The following CLSPN variants were observed in gnomAD, a reference collection of about 807,000 sequenced individuals.
CLSPN encodes claspin homolog.
In CLSPN, 85 loss-of-function variants were observed where a neutral mutation model predicts 156.3. That is an observed-to-expected ratio of 0.54 (90% CI 0.46 to 0.65). The LOEUF is 0.65. CLSPN is among the 30% of genes least tolerant of loss of function. The pLI, the probability that CLSPN is intolerant of heterozygous loss-of-function variation, is 0.00. For missense variants in CLSPN, 1,407 were observed against 1,554.9 expected, an observed-to-expected ratio of 0.90 and a Z score of 1.60; for synonymous variants, 534 against 542.4, an observed-to-expected ratio of 0.98 and a Z score of 0.22.
intron 9 of CLSPN, 123 bp from the exon 10 acceptor site, chr1:35,751,629 C>A: frequency 7.7e-7 from 1 of 1,297,156 alleles, no homozygotes; most frequent in Non-Finnish European, 1.0e-6. Context: ...GTATTCTGGG[C>A]TTTTTTGTTA....
At position 35,748,388 on chromosome 1, in the gene CLSPN, A is replaced by C; in HGVS notation, c.2472+17T>G. 1 of 1,610,768 alleles carries C rather than the reference A, an allele frequency of 6.2e-7. No individual in the cohort carries two copies. Among genetic ancestry groups the C allele is most frequent in the Non-Finnish European group, 8.5e-7 (1 of 1,177,106 alleles). ...AGCAAAGAGAGGAGGAGATTAGAAA[A>C]ACCATTACCATCTTACCTTAGAAGC... On this transcript the variant is annotated intron_variant, in intron 13 of 24. Coordinates refer to ENST00000318121, the MANE Select transcript of CLSPN (RefSeq NM_022111.4).
intron 23 of CLSPN, 108 bp from the exon 24 acceptor site, chr1:35,737,183 C>T (rs957982860): frequency 9.5e-6 from 12 of 1,267,032 alleles, no homozygotes; most frequent in Admixed American, 4.0e-5. Context: ...TATGCCTACC[C>T]TATTCAAATA....
At chr1:35,759,136 C>T (rs1642389622) in intron 8 of CLSPN, among the ~76,000 whole-genome samples, 1 of 152,160 alleles carries the variant, frequency 6.6e-6, no homozygotes, top group Non-Finnish European at 1.5e-5. Context: ...TGTGGTAATA[C>T]TTGAGTTCAG....
chr1:35,760,922 GA>G lies in CLSPN; in HGVS notation c.1005-7del, dbSNP rs1571219125. On this transcript the variant is annotated splice_region_variant and splice_polypyrimidine_tract_variant and intron_variant, in intron 7 of 24. Coordinates refer to ENST00000318121, the MANE Select transcript of CLSPN (RefSeq NM_022111.4). ...TTGACTGATATTTAGATGACCTAGA[GA>G]AGAGAAATTGAGCTGGAGTTGAAAA... 1 of 1,594,336 alleles carries G rather than the reference GA, an allele frequency of 6.3e-7. No individual in the cohort carries two copies. The highest frequency in any genetic ancestry group is 2.2e-5 in the East Asian group (1 of 44,702).
downstream of CLSPN, among the ~76,000 whole-genome samples, chr1:35,730,209 G>T (rs4653147): frequency 0.66 from 99,705 of 152,068 alleles, 37,889 homozygotes; most frequent in Non-Finnish European, 0.87. Context: ...AAGCCTCAAC[G>T]AACATTAAAG....
In CLSPN at chr1:35,736,933, T is replaced by G. The variant is rs1173814760; in HGVS notation, c.3890A>C (p.Lys1297Thr). The G allele has an allele frequency of 1.9e-6, 3 of 1,614,142 alleles. No homozygotes were observed. The change falls in exon 24 of 25, where the codon AAG (lysine) becomes ACG (threonine). Residue 1297 changes from lysine (K) to threonine (T), a missense_variant. Around this residue, in one of 3 missense-constraint regions of CLSPN, gnomAD observed 241 missense variants for 240.5 expected, o/e 1.00. Transcript: ENST00000318121. The part of the protein sequence containing the change: ...TLSPVKAEAA[K>T]ESSKSQVKKR... ...CCATACCTGAGACTTAGACGATTCCTTTGCCGCCTCAGCCTTGACAGGAGA... is the reference window on the plus strand; with the variant it reads ...CCATACCTGAGACTTAGACGATTCCGTTGCCGCCTCAGCCTTGACAGGAGA...
chr1:35,752,919 G>GT (rs1199048927), intron 9 of CLSPN, among the ~76,000 whole-genome samples: 1 of 152,168 alleles, frequency 6.6e-6, no homozygotes, highest in Non-Finnish European at 1.5e-5. Flanking sequence ...ATTGTTAATA[G>GT]TTATCTTTGG....
intron 24 of CLSPN, among the ~76,000 whole-genome samples, chr1:35,723,700 G>T (rs1641120816): frequency 6.6e-6 from 1 of 152,172 alleles, no homozygotes. Flanking sequence ...TTTAGAAAGG[G>T]AAACAGAAGT....
At chr1:35,721,283 C>T (rs866138937) in intron 24 of CLSPN, among the ~76,000 whole-genome samples, 6 of 152,182 alleles carry the variant, frequency 3.9e-5, no homozygotes, top group South Asian at 4.1e-4. Flanking sequence ...CTGAGACCAC[C>T]CCCTTCTCCT....
At chr1:35,748,820 C>CTTTTT (rs201350754) in intron 12 of CLSPN, 148 of 293,460 alleles carry the variant, frequency 5.0e-4, no homozygotes, top group Middle Eastern at 1.3e-3. Context: ...CTTGAAAGTT[C>CTTTTT]TTTTTTTTTT....
chr1:35,748,185 G>T, intron 13 of CLSPN, 124 bp from the exon 14 acceptor site: 1 of 1,114,036 alleles, frequency 9.0e-7, no homozygotes, highest in South Asian at 1.5e-5. Context: ...AGTTGAGGGG[G>T]ACAATACACA....
chr1:35,733,548 A>G lies in CLSPN; in HGVS notation c.*2948T>C, dbSNP rs146005131. ...GAAGAAATATCTAGCCTTCCTGCTC[A>G]GTTCTCTTTTGCCCAGCAAGGGCTA... On this transcript the variant is annotated 3_prime_UTR_variant, in exon 25 of 25. Coordinates refer to ENST00000318121, the MANE Select transcript of CLSPN (RefSeq NM_022111.4). The G allele has an allele frequency of 1.0e-4, 102 of 985,412 alleles. No homozygotes were observed. The African/African-American group carries it at 1.7e-3, about 16-fold the overall frequency. 61.0% of individuals were successfully genotyped at this position (985,412 alleles called of 1,614,324 possible).
At chr1:35,737,949 A>G in intron 22 of CLSPN, 43 bp downstream of exon 22, 1 of 1,142,080 alleles carries the variant, frequency 8.8e-7, no homozygotes, top group South Asian at 2.0e-5. Flanking sequence ...CTCTACCACT[A>G]ACAATCCAGG....
Position 35,748,589 on chromosome 1 carries a change from C to T in CLSPN, c.2288G>A (p.Cys763Tyr). ...QPSKLDEDDS[C>Y]SLLTKESSHN... Reference sequence around the variant, plus strand: ...GCTGCTCTCCTTTGTTAGCAATGAACATGAATCATCCTCATCTAAAGAAAG... The same window carrying T: ...GCTGCTCTCCTTTGTTAGCAATGAATATGAATCATCCTCATCTAAAGAAAG... The change falls in exon 13 of 25, where the codon TGT (cysteine) becomes TAT (tyrosine). Residue 763 changes from cysteine (C) to tyrosine (Y), a missense_variant. Physicochemically the swap from Cys to Tyr is radical, Grantham distance 194 (BLOSUM62 -2). Around this residue, in one of 3 missense-constraint regions of CLSPN, gnomAD observed 1,096 missense variants for 1,193.0 expected, o/e 0.92. Transcript: ENST00000318121. 6.2e-7 allele frequency: 1 copy of T among 1,613,862 alleles called. No individual in the cohort carries two copies. The highest frequency in any genetic ancestry group is 8.5e-7 in the Non-Finnish European group (1 of 1,179,792).
At position 35,762,466 on chromosome 1, in the gene CLSPN, A is replaced by G. The variant is rs769536517; in HGVS notation, c.760T>C (p.Leu254=). The part of the protein sequence containing the change: ...VKKHKKKEPS[L]ESGVHSFEEG... ...TCAAATGAATGGACCCCACTCTCCA[A>G]AGATGGTTCTTTTTTCTAAAAGAAA... Residue 254 remains leucine, a synonymous_variant, in exon 5 of 25, where the codon TTG becomes CTG. Coordinates refer to ENST00000318121, the MANE Select transcript of CLSPN (RefSeq NM_022111.4). 83 of 1,613,638 alleles carry G rather than the reference A, an allele frequency of 5.1e-5. No homozygotes were observed. Among genetic ancestry groups the G allele is most frequent in the Non-Finnish European group, 6.2e-5 (73 of 1,179,824 alleles).
chr1:35,739,302 C>A, intron 19 of CLSPN, 45 bp from the exon 20 acceptor site: 1 of 1,613,986 alleles, frequency 6.2e-7, no homozygotes, highest in Non-Finnish European at 8.5e-7. Flanking sequence ...ACCATTCTGG[C>A]TGGTTACAGG....
chr1:35,734,849 A>G lies in CLSPN; in HGVS notation c.*1647T>C, dbSNP rs2148611118. On this transcript the variant is annotated 3_prime_UTR_variant, in exon 25 of 25. Coordinates refer to ENST00000318121, the MANE Select transcript of CLSPN (RefSeq NM_022111.4). ...GTACAGGTCCTGACACTGAAACCAC[A>G]GTATTCACATGGAATGTTTTTCCAA... 5.1e-6 allele frequency: 5 copies of G among 985,446 alleles called. No individual in the cohort carries two copies. The highest frequency in any genetic ancestry group is 6.0e-6 in the Non-Finnish European group (5 of 829,932). 61.0% of individuals were successfully genotyped at this position (985,446 alleles called of 1,614,324 possible). A position where few individuals can be genotyped will look rare whatever the true frequency, so the allele number is the denominator to read the frequency against.
At chr1:35,749,932 A>T in intron 10 of CLSPN, 121 bp from the exon 11 acceptor site, 1 of 1,154,504 alleles carries the variant, frequency 8.7e-7, no homozygotes, top group South Asian at 1.8e-5. Flanking sequence ...CAAAAAGGTA[A>T]ACTTGAAGGA....
At chr1:35,729,659 C>T (rs1445948341), downstream of CLSPN, among the ~76,000 whole-genome samples, 1 of 152,166 alleles carries the variant, frequency 6.6e-6, no homozygotes, top group Non-Finnish European at 1.5e-5. Context: ...TCCAGGCATA[C>T]ACACAGGCCT....
Sources: gnomAD v4.1 joint callset for allele counts (sites outside exome capture counted in the v4.1 genomes callset) on GRCh38, gnomAD v4.1.1 for gene constraint, gnomAD v4.1.1 regional missense constraint, MANE v1.5 for transcripts, NCBI Gene and HGNC (gene_info 2026-07-23, HGNC 2026-07-21) for gene names.